RAP1A: variants seen among roughly 807,000 people sequenced by gnomAD.
The protein encoded by RAP1A is ras-related protein Rap-1A.
RAP1A carries 6 observed loss-of-function variants against 26.4 expected under a neutral mutation model. The observed-to-expected ratio is 0.23, with a 90% confidence interval of 0.12 to 0.45. The LOEUF (loss-of-function observed/expected upper bound fraction) is 0.45. RAP1A is among the 20% of genes least tolerant of loss of function. The pLI is 0.99. For synonymous variants in RAP1A, 73 were observed against 79.4 expected (o/e 0.92, Z 0.43); for missense variants, 121 against 217.2 (o/e 0.56, Z 2.78).
Position 111,716,018 on chromosome 1 carries a change from T to C in RAP1A, c.*3617T>C, listed in dbSNP as rs1427934198. 2.0e-5 allele frequency: 3 copies of C among 152,400 alleles called. No individual in the cohort carries two copies. The highest frequency in any genetic ancestry group is 2.1e-4 in the South Asian group (1 of 4,832). 9.4% of individuals were successfully genotyped at this position (152,400 alleles called of 1,614,324 possible). On this transcript the variant is annotated 3_prime_UTR_variant, in exon 8 of 8. Coordinates refer to ENST00000369709, the MANE Select transcript of RAP1A (RefSeq NM_002884.4). ...CTAGAAAACATAAAATATACTCTTA[T>C]AAATTGTATGTGTGTTGAAACCAAA... is the stretch of plus-strand genomic sequence containing the variant.
At chr1:111,577,299 G>A (rs1182328175) in intron 1 of RAP1A, among the ~76,000 whole-genome samples, 1 of 150,614 alleles carries the variant, frequency 6.6e-6, no homozygotes, top group African/African-American at 2.4e-5. Flanking sequence ...CTACTTGGGA[G>A]GCTGAGGCAG....
intron 1 of RAP1A, among the ~76,000 whole-genome samples, chr1:111,612,169 T>TA (rs35643461): frequency 2.0e-5 from 3 of 152,142 alleles, no homozygotes; most frequent in East Asian, 1.9e-4. Flanking sequence ...TCTCTTCTGA[T>TA]AAAAAAAGAC....
chr1:111,656,027 T>C (rs1660447794), intron 1 of RAP1A, among the ~76,000 whole-genome samples: 1 of 151,826 alleles, frequency 6.6e-6, no homozygotes, highest in African/African-American at 2.4e-5. Context: ...TGTGAGAATA[T>C]AAGACAAAGA....
intron 1 of RAP1A, among the ~76,000 whole-genome samples, chr1:111,558,705 T>A (rs144530077): frequency 1.1e-3 from 163 of 152,304 alleles, no homozygotes; most frequent in African/African-American, 3.7e-3. Flanking sequence ...CCCAGGAAGA[T>A]ATAAACTTCT....
intron 1 of RAP1A, among the ~76,000 whole-genome samples, chr1:111,543,885 G>A (rs1482098292): frequency 6.6e-6 from 1 of 152,184 alleles, no homozygotes; most frequent in Non-Finnish European, 1.5e-5. Context: ...TTCTCAGAGA[G>A]AGAGTAGACA....
chr1:111,598,533 C>T (rs941951968), intron 1 of RAP1A, among the ~76,000 whole-genome samples: 2 of 152,048 alleles, frequency 1.3e-5, no homozygotes, highest in African/African-American at 4.8e-5. Flanking sequence ...TTACATACCC[C>T]GGACCAACCA....
At chr1:111,544,216 T>C (rs1656954170) in intron 1 of RAP1A, among the ~76,000 whole-genome samples, 2 of 152,226 alleles carry the variant, frequency 1.3e-5, no homozygotes, top group African/African-American at 4.8e-5. Flanking sequence ...TTATCCCTTG[T>C]TTAAAAAGTT....
At chr1:111,569,868 A>G (rs1033882437) in intron 1 of RAP1A, among the ~76,000 whole-genome samples, 15 of 152,182 alleles carry the variant, frequency 9.9e-5, no homozygotes, top group African/African-American at 3.4e-4. Context: ...CAGGAATTCA[A>G]AGGTCTCACT....
intron 4 of RAP1A, among the ~76,000 whole-genome samples, chr1:111,697,775 T>C (rs181683125): frequency 1.3e-5 from 2 of 152,238 alleles, no homozygotes; most frequent in African/African-American, 4.8e-5. Flanking sequence ...TATTTTAAAT[T>C]TAGAGCTTTA....
chr1:111,599,484 C>T (rs1030550561), intron 1 of RAP1A, among the ~76,000 whole-genome samples: 11 of 152,218 alleles, frequency 7.2e-5, no homozygotes, highest in Non-Finnish European at 1.2e-4. Context: ...GGATTACAGG[C>T]GTGAGCCACC....
At chr1:111,626,418 C>G (rs892116396) in intron 1 of RAP1A, among the ~76,000 whole-genome samples, 1 of 151,954 alleles carries the variant, frequency 6.6e-6, no homozygotes, top group South Asian at 2.1e-4. Context: ...TGTATATACA[C>G]ACGTTGTAGG....
chr1:111,620,377 A>G (rs1329017640), intron 1 of RAP1A, among the ~76,000 whole-genome samples: 3 of 150,268 alleles, frequency 2.0e-5, no homozygotes, highest in Non-Finnish European at 3.0e-5. Flanking sequence ...CTCCTCTTGC[A>G]TGTCCCCTGT....
intron 1 of RAP1A, among the ~76,000 whole-genome samples, chr1:111,567,120 C>A (rs187301779): frequency 6.6e-6 from 1 of 151,962 alleles, no homozygotes; most frequent in Non-Finnish European, 1.5e-5. Flanking sequence ...CAGACATAGG[C>A]CCCGCCCTCA....
intron 1 of RAP1A, among the ~76,000 whole-genome samples, chr1:111,665,787 C>T (rs1424690707): frequency 1.3e-5 from 2 of 152,064 alleles, no homozygotes; most frequent in Non-Finnish European, 2.9e-5. Context: ...CTGTGATATT[C>T]CCCCCTTTCT....
chr1:111,681,258 A>G (rs1228282970), intron 1 of RAP1A, among the ~76,000 whole-genome samples: 1 of 152,198 alleles, frequency 6.6e-6, no homozygotes, highest in Non-Finnish European at 1.5e-5. Context: ...AGGGGAAAAA[A>G]TGCTGAAAAT....
At chr1:111,624,915 G>A (rs975355751) in intron 1 of RAP1A, among the ~76,000 whole-genome samples, 8 of 151,832 alleles carry the variant, frequency 5.3e-5, no homozygotes, top group South Asian at 2.1e-4. Flanking sequence ...ATAAATTTAG[G>A]TTAGATAAAT....
intron 1 of RAP1A, among the ~76,000 whole-genome samples, chr1:111,688,565 C>A (rs1015472818): frequency 6.6e-6 from 1 of 151,882 alleles, no homozygotes; most frequent in African/African-American, 2.4e-5. Flanking sequence ...GGCAATTTGC[C>A]CACCTTGGCC....
At chr1:111,676,415 A>T (rs776450914) in intron 1 of RAP1A, among the ~76,000 whole-genome samples, 13 of 152,026 alleles carry the variant, frequency 8.6e-5, no homozygotes, top group Non-Finnish European at 1.6e-4. Flanking sequence ...ATCAGTATGT[A>T]ACTGGTATTC....
intron 1 of RAP1A, chr1:111,686,570 A>G (rs754708416): frequency 6.6e-5 from 10 of 151,858 alleles, no homozygotes; most frequent in Non-Finnish European, 1.3e-4. Context: ...GCATGTCTGT[A>G]GTCCCAGCTA....
Sources: gnomAD v4.1 joint callset for allele counts (sites outside exome capture counted in the v4.1 genomes callset) on GRCh38, gnomAD v4.1.1 for gene constraint, MANE v1.5 for transcripts, NCBI Gene and HGNC (gene_info 2026-07-23, HGNC 2026-07-21) for gene names.